Variants in CMTM8 observed in about 807,000 individuals in gnomAD.
CMTM8 encodes CKLF like MARVEL transmembrane domain containing 8, also known as CKLF-like MARVEL transmembrane domain-containing protein 8.
Under a neutral mutation model 18.6 loss-of-function variants are expected in CMTM8, and 12 were observed. The observed-to-expected ratio is 0.65, with a 90% CI of 0.41 to 1.05. The LOEUF (loss-of-function observed/expected upper bound fraction) is 1.05, where lower values mean the gene tolerates loss of function less well. Ranked by LOEUF, CMTM8 falls within the 50% of genes least tolerant of loss-of-function variation. CMTM8 has a pLI of 0.00. For synonymous variants in CMTM8, 87 were observed against 90.6 expected (o/e 0.96, Z 0.23); for missense variants, 217 against 227.2 (o/e 0.95, Z 0.29).
chr3:32,326,354 G>A (rs1041043584), intron 1 of CMTM8, among the ~76,000 whole-genome samples: 5 of 152,036 alleles, frequency 3.3e-5, no homozygotes, highest in African/African-American at 1.2e-4. Context: ...CTCCAGGGTG[G>A]CCCCAACCAC....
chr3:32,348,433 A>C (rs927928560), intron 1 of CMTM8, among the ~76,000 whole-genome samples: 1 of 151,116 alleles, frequency 6.6e-6, no homozygotes, highest in African/African-American at 2.4e-5. Context: ...AGAAATTCAC[A>C]TCCAGAAATT....
At chr3:32,290,960 C>T (rs964247197) in intron 1 of CMTM8, among the ~76,000 whole-genome samples, 4 of 152,244 alleles carry the variant, frequency 2.6e-5, no homozygotes, top group African/African-American at 7.2e-5. Context: ...GTTGCCCAGG[C>T]TGGTCTTGAA....
chr3:32,239,036 A>G lies in CMTM8; in HGVS notation c.64A>G (p.Asn22Asp). 1.3e-6 allele frequency: 2 copies of G among 1,583,880 alleles called. No homozygotes were observed. The highest frequency in any genetic ancestry group is 1.7e-6 in the Non-Finnish European group (2 of 1,165,642). The change falls in exon 1 of 4, where the codon AAC becomes GAC. Residue 22 changes from asparagine to aspartate, a missense_variant. Physicochemically the swap from Asn to Asp is conservative, Grantham distance 23. Coordinates refer to ENST00000307526, the MANE Select transcript of CMTM8 (RefSeq NM_178868.5). The stretch of plus-strand genomic sequence containing the variant: ...CACCACCGCCAGCTCCTTCGCAGAG[A>G]ACTTCTCCACCAGCAGCAGCAGCTT... ...VTTTASSFAENFSTSSSSFAY... is the reference protein window; with the variant it reads ...VTTTASSFAEDFSTSSSSFAY...
At chr3:32,268,073 A>G (rs1702375317) in intron 1 of CMTM8, among the ~76,000 whole-genome samples, 1 of 152,198 alleles carries the variant, frequency 6.6e-6, no homozygotes, top group Admixed American at 6.5e-5. Context: ...ATACCATTTG[A>G]CCCAGCCATC....
At chr3:32,328,370 C>CAT (rs1696204086) in intron 1 of CMTM8, among the ~76,000 whole-genome samples, 1 of 74,790 alleles carries the variant, frequency 1.3e-5, no homozygotes, top group Admixed American at 1.5e-4. Flanking sequence ...ACCCTGTCTC[C>CAT]AAAAAAAAAA....
chr3:32,274,160 A>G (rs1702481334), intron 1 of CMTM8, among the ~76,000 whole-genome samples: 1 of 151,970 alleles, frequency 6.6e-6, no homozygotes, highest in African/African-American at 2.4e-5. Flanking sequence ...AATTACAGAA[A>G]TTAGCCAGGC....
intron 1 of CMTM8, among the ~76,000 whole-genome samples, chr3:32,308,339 T>C (rs1695754807): frequency 6.6e-6 from 1 of 152,344 alleles, no homozygotes; most frequent in Admixed American, 6.5e-5. Flanking sequence ...TATTGAGTTG[T>C]CTTTATAGAG....
chr3:32,283,650 G>A (rs529026718), intron 1 of CMTM8, among the ~76,000 whole-genome samples: 2 of 152,218 alleles, frequency 1.3e-5, no homozygotes, highest in Non-Finnish European at 2.9e-5. Context: ...TGCCTTTCAG[G>A]ATTTATCTTG....
chr3:32,363,857 T>C (rs1315534997), intron 2 of CMTM8, among the ~76,000 whole-genome samples: 1 of 152,140 alleles, frequency 6.6e-6, no homozygotes, highest in African/African-American at 2.4e-5. Flanking sequence ...CTCCTGCACT[T>C]TGAGTAGCAC....
intron 1 of CMTM8, among the ~76,000 whole-genome samples, chr3:32,335,872 C>G (rs982239729): frequency 2.0e-5 from 3 of 152,184 alleles, no homozygotes; most frequent in Non-Finnish European, 4.4e-5. Context: ...TCAGAACTCT[C>G]CCTTGAAGAT....
chr3:32,267,474 G>T (rs984922643), intron 1 of CMTM8, among the ~76,000 whole-genome samples: 1 of 152,122 alleles, frequency 6.6e-6, no homozygotes, highest in Non-Finnish European at 1.5e-5. Context: ...AGACTTAAAT[G>T]TTAGGCCTAA....
At chr3:32,328,178 C>T (rs1331603693) in intron 1 of CMTM8, among the ~76,000 whole-genome samples, 1 of 152,090 alleles carries the variant, frequency 6.6e-6, no homozygotes, top group African/African-American at 2.4e-5. Flanking sequence ...TTTGCCAAGA[C>T]TAGCCTGGCC....
intron 1 of CMTM8, among the ~76,000 whole-genome samples, chr3:32,307,577 G>A (rs1695740245): frequency 1.3e-5 from 2 of 152,288 alleles, no homozygotes; most frequent in South Asian, 4.1e-4. Context: ...TGGCCAGAGA[G>A]CATACTTGCA....
At chr3:32,243,398 C>T (rs1701970067) in intron 1 of CMTM8, among the ~76,000 whole-genome samples, 1 of 151,544 alleles carries the variant, frequency 6.6e-6, no homozygotes, top group South Asian at 2.1e-4. Context: ...CAGCATGGTG[C>T]TGGGCATCTG....
chr3:32,276,446 C>A (rs1248614872), intron 1 of CMTM8, among the ~76,000 whole-genome samples: 1 of 152,134 alleles, frequency 6.6e-6, no homozygotes, highest in Non-Finnish European at 1.5e-5. Context: ...GAGAGGATAG[C>A]AAGTGGTTTG....
At chr3:32,365,413 TTC>T (rs1445079223) in intron 2 of CMTM8, among the ~76,000 whole-genome samples, 1 of 151,194 alleles carries the variant, frequency 6.6e-6, no homozygotes. Flanking sequence ...GTTGGAAACC[TTC>T]TGTTTTTGTG....
chr3:32,353,540 T>G (rs1386913901), intron 1 of CMTM8, among the ~76,000 whole-genome samples: 2 of 152,172 alleles, frequency 1.3e-5, no homozygotes, highest in African/African-American at 4.8e-5. Flanking sequence ...GAGATGCATG[T>G]GTAGTAGTGT....
In CMTM8 at chr3:32,361,363, G is replaced by A. The variant is rs545470005; in HGVS notation, c.321+3817G>A. 8.5e-5 allele frequency among the ~76,000 whole-genome samples: 12 copies of A among 141,978 alleles called. No individual in the cohort carries two copies. In the East Asian group the frequency reaches 2.5e-3, roughly 30 times the overall value. The allele number at this position is 141,978 out of a possible 152,430, so 93.1% of individuals were successfully genotyped here. A position where few individuals can be genotyped will look rare whatever the true frequency, so the allele number is the denominator to read the frequency against. ...ACAACAATATGTGACATGTACCCCT[G>A]AGTCTGGGGCTGTACTGTAATGAGA... On this transcript the variant is annotated intron_variant, in intron 2 of 3. Coordinates refer to ENST00000307526, the MANE Select transcript of CMTM8 (RefSeq NM_178868.5).
Position 32,357,386 on chromosome 3 carries a change from T to A in CMTM8, c.161T>A (p.Leu54Gln). 1 of 1,613,998 alleles carries A rather than the reference T, an allele frequency of 6.2e-7. No individual in the cohort carries two copies. Among genetic ancestry groups the A allele is most frequent in the South Asian group, 1.1e-5 (1 of 91,056 alleles). ...LIVAEIVLGL[L>Q]VWTLIAGTEY... is the part of the protein sequence containing the mutation. Reference sequence around the variant, plus strand: ...ACCACTTTACAGGTTCTGGGGCTGCTGGTATGGACGCTTATTGCTGGAACT... The same window carrying A: ...ACCACTTTACAGGTTCTGGGGCTGCAGGTATGGACGCTTATTGCTGGAACT... Residue 54 changes from leucine (L) to glutamine (Q), a missense_variant, in exon 2 of 4, where the codon CTG becomes CAG. By Grantham distance (113) the Leu-to-Gln change is moderately radical. Coordinates refer to ENST00000307526, the MANE Select transcript of CMTM8 (RefSeq NM_178868.5).
Sources: gnomAD v4.1 joint callset for allele counts (sites outside exome capture counted in the v4.1 genomes callset) on GRCh38, gnomAD v4.1.1 for gene constraint, MANE v1.5 for transcripts, NCBI Gene and HGNC (gene_info 2026-07-23, HGNC 2026-07-21) for gene names.